The following CHN2 variants were observed in gnomAD, a reference collection of about 807,000 sequenced individuals.
CHN2 encodes beta-chimaerin.
A neutral mutation model predicts 56.3 loss-of-function variants in CHN2; 35 were observed. The ratio of observed to expected loss-of-function variants is 0.62; its 90% CI spans 0.47 to 0.82. The LOEUF (loss-of-function observed/expected upper bound fraction) is 0.82. CHN2 is among the 40% of genes least tolerant of loss of function. CHN2 has a pLI of 0.00. For missense variants in CHN2, 491 were observed against 580.5 expected, an observed-to-expected ratio of 0.85 and a Z score of 1.58; for synonymous variants, 210 against 212.8, an observed-to-expected ratio of 0.99 and a Z score of 0.12.
intron 4 of CHN2, chr7:29,397,360 C>T (rs1185755711): frequency 6.6e-6 from 1 of 152,250 alleles, no homozygotes; most frequent in African/African-American, 2.4e-5. Context: ...TAGCTTACTT[C>T]CCTTTCCTCC....
intron 1 of CHN2, among the ~76,000 whole-genome samples, chr7:29,282,369 G>C (rs1477316754): frequency 2.6e-5 from 4 of 152,190 alleles, no homozygotes; most frequent in Non-Finnish European, 5.9e-5. Flanking sequence ...ACTGCTTACA[G>C]CTACAGCTGT....
At chr7:29,454,009 A>C (rs559275347) in intron 6 of CHN2, among the ~76,000 whole-genome samples, 1 of 152,188 alleles carries the variant, frequency 6.6e-6, no homozygotes, top group African/African-American at 2.4e-5. Flanking sequence ...GTGGGTGCCA[A>C]CTCTAGTGGT....
At chr7:29,163,680 C>T (rs908004891) in intron 2 of CHN2, among the ~76,000 whole-genome samples, 3 of 152,226 alleles carry the variant, frequency 2.0e-5, no homozygotes, top group African/African-American at 7.2e-5. Flanking sequence ...CTCATTGCCC[C>T]CAAAAGTTTC....
intron 6 of CHN2, among the ~76,000 whole-genome samples, chr7:29,426,385 A>G (rs1199939103): frequency 6.6e-6 from 1 of 152,182 alleles, no homozygotes; most frequent in Non-Finnish European, 1.5e-5. Context: ...AATATTTATA[A>G]GGAAATGTGT....
At chr7:29,379,544 T>C (rs915517401) in intron 3 of CHN2, among the ~76,000 whole-genome samples, 1 of 152,254 alleles carries the variant, frequency 6.6e-6, no homozygotes, top group Admixed American at 6.5e-5. Flanking sequence ...TGAAAAAATA[T>C]ATATGCTGTA....
At chr7:29,392,658 G>A (rs961708173) in intron 3 of CHN2, among the ~76,000 whole-genome samples, 4 of 152,138 alleles carry the variant, frequency 2.6e-5, no homozygotes, top group African/African-American at 9.7e-5. Context: ...CTAGTGTCCT[G>A]TTACCTATTC....
chr7:29,317,454 C>T (rs1333812140), intron 1 of CHN2, among the ~76,000 whole-genome samples: 1 of 151,450 alleles, frequency 6.6e-6, no homozygotes, highest in Non-Finnish European at 1.5e-5. Flanking sequence ...CAAAAGCATT[C>T]AGTATCCTGG....
chr7:29,390,365 C>T (rs190570336), intron 3 of CHN2, among the ~76,000 whole-genome samples: 57 of 152,286 alleles, frequency 3.7e-4, no homozygotes, highest in Middle Eastern at 3.4e-3. Context: ...ATCCGACAGC[C>T]GTCAGTCCTA....
rs540832643 is a variant in CHN2 at position 29,306,379 on chromosome 7, A to C, written c.50-48246A>C. On this transcript the variant is annotated intron_variant, in intron 1 of 12. Coordinates refer to ENST00000222792, the MANE Select transcript of CHN2 (RefSeq NM_004067.4). ...GTACTGGCATCATGCAAAAGAAAGG[A>C]GGAACGCACTGATTGAGTTGCTTGT... 4.6e-5 allele frequency among the ~76,000 whole-genome samples: 7 copies of C among 152,336 alleles called. No homozygotes were observed. The South Asian group carries it at 1.0e-3, about 23-fold the overall frequency.
chr7:29,231,609 T>A (rs1786716759), intron 1 of CHN2, among the ~76,000 whole-genome samples: 1 of 152,124 alleles, frequency 6.6e-6, no homozygotes, highest in Admixed American at 6.5e-5. Flanking sequence ...TGTGGAAATA[T>A]GAAAAAAAAG....
At chr7:29,292,707 A>T (rs1258705918) in intron 1 of CHN2, 1 of 330,752 alleles carries the variant, frequency 3.0e-6, no homozygotes, top group African/African-American at 2.2e-5. Context: ...TCAATGCTGT[A>T]ATAACATCTC....
intron 1 of CHN2, among the ~76,000 whole-genome samples, chr7:29,324,107 G>C (rs1795607581): frequency 1.3e-5 from 2 of 152,190 alleles, no homozygotes; most frequent in Admixed American, 6.5e-5. Flanking sequence ...GGCGGGCACA[G>C]GAGTGGGGTT....
chr7:29,347,913 G>T (rs1426795910), intron 1 of CHN2, among the ~76,000 whole-genome samples: 1 of 152,174 alleles, frequency 6.6e-6, no homozygotes, highest in Non-Finnish European at 1.5e-5. Flanking sequence ...AGTATGTATG[G>T]TATGAAACCA....
intron 6 of CHN2, among the ~76,000 whole-genome samples, chr7:29,476,714 C>CT (rs910901998): frequency 1.3e-5 from 2 of 152,106 alleles, no homozygotes; most frequent in Non-Finnish European, 2.9e-5. Context: ...TTGGCCATGT[C>CT]TGGAGACATT....
At chr7:29,165,430 G>T (rs1422609532) in intron 2 of CHN2, among the ~76,000 whole-genome samples, 1 of 151,838 alleles carries the variant, frequency 6.6e-6, no homozygotes, top group Non-Finnish European at 1.5e-5. Context: ...GTGTGTGTAG[G>T]TTTCTTAGAT....
At chr7:29,377,233 A>G (rs1472716157) in intron 3 of CHN2, among the ~76,000 whole-genome samples, 2 of 152,178 alleles carry the variant, frequency 1.3e-5, no homozygotes, top group Admixed American at 6.5e-5. Context: ...CATGTTGGCC[A>G]GGCTGGTCTC....
chr7:29,393,540 T>G, intron 3 of CHN2, 139 bp from the exon 4 acceptor site: 1 of 423,372 alleles, frequency 2.4e-6, no homozygotes, highest in South Asian at 2.4e-5. Context: ...ACTCCATAGC[T>G]TCATGGATCT....
chr7:29,302,537 C>T (rs1359056462), intron 1 of CHN2, among the ~76,000 whole-genome samples: 1 of 135,854 alleles, frequency 7.4e-6, no homozygotes, highest in Non-Finnish European at 1.5e-5. Flanking sequence ...GATAGGGTCT[C>T]ACTATATTAC....
chr7:29,193,959 T>G (rs1388482747), upstream of CHN2: 1 of 152,328 alleles, frequency 6.6e-6, no homozygotes, highest in African/African-American at 2.4e-5. Context: ...GCTTCCCGGG[T>G]GTTTTAGGAA....
Sources: gnomAD v4.1 joint callset for allele counts (sites outside exome capture counted in the v4.1 genomes callset) on GRCh38, gnomAD v4.1.1 for gene constraint, MANE v1.5 for transcripts, NCBI Gene and HGNC (gene_info 2026-07-23, HGNC 2026-07-21) for gene names.